RGS19: variants seen among roughly 807,000 people sequenced by gnomAD.
RGS19 encodes the protein regulator of G protein signaling 19, also known as G alpha interacting protein.
Under a neutral mutation model 22.0 loss-of-function variants are expected in RGS19, and 9 were observed. That is an observed-to-expected ratio of 0.41 (90% CI 0.25 to 0.71). RGS19 has a LOEUF of 0.71. Ranked by LOEUF, RGS19 falls within the 30% of genes least tolerant of loss-of-function variation. The probability of loss-of-function intolerance (pLI) is 0.32; values close to 1 mark genes in which losing one functional copy is unlikely to be tolerated. For missense variants in RGS19, 256 were observed against 307.1 expected (o/e 0.83, Z 1.24); for synonymous variants, 130 against 127.3 (o/e 1.02, Z -0.14).
At chr20:64,076,483 C>G (rs371068945) in intron 3 of RGS19, 42 bp downstream of exon 3, 4 of 1,609,316 alleles carry the variant, frequency 2.5e-6, no homozygotes, top group Non-Finnish European at 2.5e-6. Flanking sequence ...GGCCCCATGC[C>G]CTCGACCCCC....
Position 64,074,512 on chromosome 20 carries a change from G to A in RGS19, c.182C>T (p.Ala61Val), listed in dbSNP as rs775326721. 2.5e-6 allele frequency: 4 copies of A among 1,574,366 alleles called. No individual in the cohort carries two copies. The highest frequency in any genetic ancestry group is 3.4e-6 in the Non-Finnish European group (4 of 1,161,066). ...GGGCTGCAGCTTGCTCTCCCGGGAG[G>A]CCTGCCACGCGCGCCGCCGCTCTTG... ...WNQERRRAWQ[A>V]SRESKLQPLP... Residue 61 changes from alanine (A) to valine (V), a missense_variant, in exon 4 of 6, where the codon GCC (alanine) becomes GTC (valine). Transcript: ENST00000395042.
chr20:64,078,427 C>T (rs1262042420), intron 1 of RGS19, among the ~76,000 whole-genome samples: 2 of 152,290 alleles, frequency 1.3e-5, no homozygotes, highest in South Asian at 2.1e-4. Flanking sequence ...TGTACCCAGA[C>T]GGGGCTGTCT....
At chr20:64,078,971 G>A (rs538109121) in intron 1 of RGS19, among the ~76,000 whole-genome samples, 3 of 152,170 alleles carry the variant, frequency 2.0e-5, no homozygotes, top group Non-Finnish European at 2.9e-5. Flanking sequence ...TCCAAAAAAA[G>A]AATAAGAAAA....
rs559507756 is a variant in RGS19 at position 64,074,385 on chromosome 20, G to T, written c.228-7C>A. 4 of 1,601,678 alleles carry T rather than the reference G, an allele frequency of 2.5e-6. No homozygotes were observed. The highest frequency in any genetic ancestry group is 3.4e-6 in the Non-Finnish European group (4 of 1,173,620). ...CTCAGGACTTGGCGTGGCACTGTGG[G>T]CACGGGGGCCAGGCTATGTCAGGCC... On this transcript the variant is annotated splice_polypyrimidine_tract_variant and splice_region_variant and intron_variant, in intron 4 of 5. Coordinates refer to ENST00000395042, the MANE Select transcript of RGS19 (RefSeq NM_005873.3).
intron 2 of RGS19, 84 bp from the exon 3 acceptor site, chr20:64,076,730 C>G: frequency 6.6e-7 from 1 of 1,524,186 alleles, no homozygotes. Flanking sequence ...ATGGGTAGCC[C>G]TGTTCCCAGG....
At chr20:64,077,312 C>G (rs2059913359) in intron 1 of RGS19, among the ~76,000 whole-genome samples, 1 of 152,138 alleles carries the variant, frequency 6.6e-6, no homozygotes, top group African/African-American at 2.4e-5. Context: ...CCCCGAGAGT[C>G]TGGGGCTACC....
chr20:64,074,587 C>A, intron 3 of RGS19, 46 bp from the exon 4 acceptor site: 1 of 1,508,474 alleles, frequency 6.6e-7, no homozygotes. Context: ...CACACGCCTC[C>A]ACGGCCACAC....
chr20:64,079,623 C>T (rs1408538231), upstream of RGS19: 1 of 151,942 alleles, frequency 6.6e-6, no homozygotes, highest in African/African-American at 2.4e-5. This position sits in a 1 kb window ranked among gnomAD's most constrained non-coding sequence, Gnocchi z 5.1. Context: ...CGGCCCCCAC[C>T]TTTGAGCAAT....
chr20:64,074,159 G>A lies in RGS19; in HGVS notation c.447C>T (p.Ile149=). The A allele has an allele frequency of 6.2e-7, 1 of 1,613,724 alleles. No individual in the cohort carries two copies. Among genetic ancestry groups the A allele is most frequent in the Non-Finnish European group, 8.5e-7 (1 of 1,179,776 alleles). The change falls in exon 5 of 6, where the codon ATC becomes ATT. Residue 149 remains isoleucine, a synonymous_variant. Coordinates refer to ENST00000395042, the MANE Select transcript of RGS19 (RefSeq NM_005873.3). ...TCTGGCGCACCTCCTTGGGGGACAG[G>A]ATGGATACGTAGTCCTCGTAGATGA... ...ARLIYEDYVS[I]LSPKEVSLDS...
chr20:64,076,948 TGG>T lies in RGS19; in HGVS notation c.-64_-63del. ...CAGCTCTCAGACCCTCACCACAGCC[TGG>T]GGGTCTGGGGAGAGGGGCCAAGGTT... On this transcript the variant is annotated 5_prime_UTR_variant, in exon 2 of 6. Transcript: ENST00000395042. The T allele has an allele frequency of 7.1e-7, 1 of 1,411,460 alleles. No homozygotes were observed. Among genetic ancestry groups the T allele is most frequent in the Non-Finnish European group, 9.4e-7 (1 of 1,068,974 alleles). 87.4% of individuals were successfully genotyped at this position (1,411,460 alleles called of 1,614,324 possible).
upstream of RGS19, chr20:64,079,697 C>A (rs6010716): frequency 0.71 from 108,219 of 151,468 alleles, 38,934 homozygotes; most frequent in East Asian, 0.92. The surrounding 1 kb of genome is among the most constrained non-coding windows in gnomAD (Gnocchi z 5.1). Flanking sequence ...CTCCCCCACG[C>A]GCGGGGGGCG....
intron 1 of RGS19, among the ~76,000 whole-genome samples, chr20:64,077,362 G>T (rs1417174080): frequency 1.3e-5 from 2 of 152,174 alleles, no homozygotes; most frequent in Non-Finnish European, 1.5e-5. Context: ...GGCTTCTAGG[G>T]TGTCTGGGGT....
In RGS19 at chr20:64,079,322, G is replaced by C. The variant is rs1410595265; in HGVS notation, c.-97C>G. 6.6e-6 allele frequency: 1 copy of C among 152,208 alleles called. No individual in the cohort carries two copies. The highest frequency in any genetic ancestry group is 1.5e-5 in the Non-Finnish European group (1 of 68,058). 9.4% of individuals were successfully genotyped at this position (152,208 alleles called of 1,614,324 possible). ...CGACCCAAAGGCGGGGTGGGGGCAG[G>C]AGGGGCCAGGTTGGGTCTGGGCCCC... On this transcript the variant is annotated 5_prime_UTR_variant, in exon 1 of 6. Transcript: ENST00000395042. The surrounding 1 kb of genome is among the most constrained non-coding windows in gnomAD (Gnocchi z 5.1).
chr20:64,073,791 C>T lies in RGS19; in HGVS notation c.*62G>A, dbSNP rs1472848269. On this transcript the variant is annotated 3_prime_UTR_variant, in exon 6 of 6. Transcript: ENST00000395042. Reference sequence around the variant, plus strand: ...GCCCTGACAGCCCTGCCGACAACAACACCTGAAGGGAACCCAGAGTCGGCC... The same window carrying T: ...GCCCTGACAGCCCTGCCGACAACAATACCTGAAGGGAACCCAGAGTCGGCC... 5 of 1,449,096 alleles carry T rather than the reference C, an allele frequency of 3.5e-6. No homozygotes were observed. The highest frequency in any genetic ancestry group is 4.7e-6 in the Non-Finnish European group (5 of 1,064,362). 89.8% of individuals were successfully genotyped at this position (1,449,096 alleles called of 1,614,324 possible). A position where few individuals can be genotyped will look rare whatever the true frequency, so the allele number is the denominator to read the frequency against.
In RGS19 at chr20:64,075,354, A is replaced by G. The variant is rs1350370773; in HGVS notation, c.153-813T>C. ...CCTGATCCCCGGTTGTCTCAAGGGAAGCAGCTTCTTTGCCTTGGCTCCTAG... is the reference window on the plus strand; with the variant it reads ...CCTGATCCCCGGTTGTCTCAAGGGAGGCAGCTTCTTTGCCTTGGCTCCTAG... On this transcript the variant is annotated intron_variant, in intron 3 of 5. Transcript: ENST00000395042. The surrounding 1 kb of genome is among the most constrained non-coding windows in gnomAD (Gnocchi z 4.6). Among the ~76,000 whole-genome samples, 1 of 152,168 alleles carries G rather than the reference A, an allele frequency of 6.6e-6. No homozygotes were observed. Among genetic ancestry groups the G allele is most frequent in the African/African-American group, 2.4e-5 (1 of 41,440 alleles).
chr20:64,078,201 T>G (rs1385981682), intron 1 of RGS19, among the ~76,000 whole-genome samples: 1 of 152,274 alleles, frequency 6.6e-6, no homozygotes, highest in Non-Finnish European at 1.5e-5. Flanking sequence ...GGCCTGGGCA[T>G]GCAGAGGCCA....
rs374608054 is a variant in RGS19 at position 64,074,403 on chromosome 20, G to A, written c.228-25C>T. On this transcript the variant is annotated intron_variant, in intron 4 of 5. Transcript: ENST00000395042. ...ACTGTGGGCACGGGGGCCAGGCTAT[G>A]TCAGGCCCGAGTCTCCCGGTCTGGG... 22 of 1,589,780 alleles carry A rather than the reference G, an allele frequency of 1.4e-5. No individual in the cohort carries two copies. The African/African-American group carries it at 3.0e-4, about 21-fold the overall frequency.
chr20:64,074,121 G>T, intron 5 of RGS19, 23 bp downstream of exon 5: 4 of 1,607,614 alleles, frequency 2.5e-6, no homozygotes, highest in Non-Finnish European at 3.4e-6. Context: ...GCGGCCCCCG[G>T]CCTGTTCTGG....
In RGS19 at chr20:64,076,620, C is replaced by G. The variant is rs757911145; in HGVS notation, c.57G>C (p.Arg19=). Residue 19 remains arginine (R), a synonymous_variant, in exon 3 of 6, where the codon CGG becomes CGC. Transcript: ENST00000395042. ...KQITGPEEAD[R]PPSMSSHDTA... ...TATCATGACTGGACATTGAAGGGGG[C>G]CGGTCCGCCTCCTCTGGCCCTGTGA... is the stretch of plus-strand genomic sequence containing the variant. 8.1e-6 allele frequency: 13 copies of G among 1,608,074 alleles called. 1 individual carries two copies. The South Asian group carries it at 1.3e-4, about 16-fold the overall frequency.
Sources: gnomAD v4.1 joint callset for allele counts (sites outside exome capture counted in the v4.1 genomes callset) on GRCh38, gnomAD v4.1.1 for gene constraint, Gnocchi (gnomAD v3.1) non-coding constraint, MANE v1.5 for transcripts, NCBI Gene and HGNC (gene_info 2026-07-23, HGNC 2026-07-21) for gene names.